VIRMA: variants seen among roughly 807,000 people sequenced by gnomAD.
VIRMA encodes the protein protein virilizer homolog.
Under a neutral mutation model 182.4 loss-of-function variants are expected in VIRMA, and 65 were observed. The ratio of observed to expected loss-of-function variants is 0.36; its 90% CI spans 0.29 to 0.44. The LOEUF (loss-of-function observed/expected upper bound fraction) is 0.44. VIRMA is among the 20% of genes least tolerant of loss of function. VIRMA has a pLI of 1.00. For missense variants in VIRMA, 1,752 were observed against 2,158.1 expected (o/e 0.81, Z 3.73); for synonymous variants, 709 against 743.1 (o/e 0.95, Z 0.75).
rs535497173 is a variant in VIRMA, at chr8:94,523,692, G to A, written c.2021+2531C>T. ...CGCCCAGGCAGGAGTGCAGTGGCACGATCTCGGCTCACTGCAACCACTGCC... is the reference window on the plus strand; with the variant it reads ...CGCCCAGGCAGGAGTGCAGTGGCACAATCTCGGCTCACTGCAACCACTGCC... On this transcript the variant is annotated intron_variant, in intron 8 of 23. Coordinates refer to ENST00000297591, the MANE Select transcript of VIRMA (RefSeq NM_015496.5). Among the ~76,000 whole-genome samples, 14 of 152,078 alleles carry A rather than the reference G, an allele frequency of 9.2e-5. No homozygotes were observed. In the South Asian group the frequency reaches 1.5e-3, roughly 16 times the overall value.
chr8:94,516,559 C>T (rs1230963751), intron 10 of VIRMA, among the ~76,000 whole-genome samples: 1 of 152,122 alleles, frequency 6.6e-6, no homozygotes, highest in Non-Finnish European at 1.5e-5. Context: ...TTCCTTGGTT[C>T]TACACTCCTC....
chr8:94,517,586 GT>G (rs1375135588), intron 10 of VIRMA, among the ~76,000 whole-genome samples: 1 of 152,090 alleles, frequency 6.6e-6, no homozygotes, highest in Admixed American at 6.6e-5. Context: ...AAAGGTACTT[GT>G]AAAAACTATT....
chr8:94,508,411 T>G (rs983397767), intron 15 of VIRMA, among the ~76,000 whole-genome samples: 1 of 152,168 alleles, frequency 6.6e-6, no homozygotes, highest in African/African-American at 2.4e-5. Context: ...TACAAGAGCA[T>G]TTTTCATTAT....
intron 1 of VIRMA, among the ~76,000 whole-genome samples, chr8:94,550,118 T>C (rs1286506166): frequency 6.7e-6 from 1 of 149,690 alleles, no homozygotes; most frequent in Non-Finnish European, 1.5e-5. Flanking sequence ...AAAAAACTGA[T>C]GGAAGGACCA....
At position 94,512,058 on chromosome 8, in the gene VIRMA, A is replaced by C. The variant is rs1175209832; in HGVS notation, c.2783T>G (p.Val928Gly). The C allele has an allele frequency of 1.3e-6, 2 of 1,522,432 alleles. No individual in the cohort carries two copies. Among genetic ancestry groups the C allele is most frequent in the Non-Finnish European group, 1.8e-6 (2 of 1,134,832 alleles). 94.3% of individuals were successfully genotyped at this position (1,522,432 alleles called of 1,614,324 possible). Residue 928 changes from valine (V) to glycine (G), a missense_variant, in exon 12 of 24, where the codon GTT becomes GGT. By Grantham distance (109) the Val-to-Gly change is moderately radical (BLOSUM62 -3). Around this residue, in one of 11 missense-constraint regions of VIRMA, gnomAD observed 777 missense variants for 920.6 expected, o/e 0.84. Transcript: ENST00000297591. ...NIDNLMTPEG[V>G]GLTTALRVLC... The stretch of plus-strand genomic sequence containing the variant: ...AACACGTAAGGCAGTGGTAAGGCCA[A>C]CTCCTTCTGGGGTCATCAAGTTATC...
At chr8:94,511,961 G>T in intron 12 of VIRMA, 35 bp downstream of exon 12, 1 of 1,216,856 alleles carries the variant, frequency 8.2e-7, no homozygotes, top group Non-Finnish European at 1.1e-6. Context: ...CTAGGCTTAA[G>T]AATCGTAGTT....
chr8:94,509,869 G>A lies in VIRMA; in HGVS notation c.3698C>T (p.Ala1233Val). The A allele has an allele frequency of 6.2e-7, 1 of 1,613,816 alleles. No individual in the cohort carries two copies. Among genetic ancestry groups the A allele is most frequent in the East Asian group, 2.2e-5 (1 of 44,862 alleles). The change falls in exon 15 of 24, where the codon GCT (alanine) becomes GTT (valine). Residue 1233 changes from alanine to valine, a missense_variant. Physicochemically the swap from Ala to Val is moderately conservative, Grantham distance 64 (BLOSUM62 0). Coordinates refer to ENST00000297591, the MANE Select transcript of VIRMA (RefSeq NM_015496.5). ...AGCTAATTTACAAGCTTTGTGTGAA[G>A]CCAGAGCATCAAGAAGAGCAAGCAA... is the stretch of plus-strand genomic sequence containing the variant. ...TRLLALLDAL[A>V]SHKACKLAIL...
At position 94,512,017 on chromosome 8, in the gene VIRMA, A is replaced by C; in HGVS notation, c.2824T>G (p.Cys942Gly). 1 of 1,531,316 alleles carries C rather than the reference A, an allele frequency of 6.5e-7. No homozygotes were observed. The highest frequency in any genetic ancestry group is 1.9e-5 in the Admixed American group (1 of 52,904). 94.9% of individuals were successfully genotyped at this position (1,531,316 alleles called of 1,614,324 possible). ...TALRVLCNVA[C>G]PPPPVEGQQK... ...TTACCTTCAACAGGAGGTGGTGGGC[A>C]TGCAACATTACAGAGAACACGTAAG... The change falls in exon 12 of 24, where the codon TGC (cysteine) becomes GGC (glycine). Residue 942 changes from cysteine to glycine, a missense_variant. Cys to Gly is a radical substitution (Grantham distance 159). This residue lies in a region of VIRMA where 777 missense variants were observed against 920.6 expected (regional missense o/e 0.84). Transcript: ENST00000297591.
At chr8:94,511,834 TAATA>T (rs1051226586) in intron 12 of VIRMA, 105 bp from the exon 13 acceptor site, 47 of 717,820 alleles carry the variant, frequency 6.5e-5, no homozygotes, top group African/African-American at 1.7e-4. Context: ...ATTATATTTA[TAATA>T]AATGATTTTT....
rs577870401 is a variant in VIRMA, at chr8:94,548,932, C to T, written c.63+4453G>A. Among the ~76,000 whole-genome samples the T allele has an allele frequency of 8.0e-3, 1,212 of 151,956 alleles. 7 individuals carry two copies. Among genetic ancestry groups the T allele is most frequent in the Non-Finnish European group, 0.012 (835 of 68,006 alleles). On this transcript the variant is annotated intron_variant, in intron 1 of 23. Coordinates refer to ENST00000297591, the MANE Select transcript of VIRMA (RefSeq NM_015496.5). ...TCAGCCTCCCAAAGTGCTGGTATTACAGGCATGAGCCACCGCGTTTGCTAT... is the reference window on the plus strand; with the variant it reads ...TCAGCCTCCCAAAGTGCTGGTATTATAGGCATGAGCCACCGCGTTTGCTAT...
At chr8:94,505,481 C>CT (rs140484297) in intron 16 of VIRMA, among the ~76,000 whole-genome samples, 35,639 of 150,310 alleles carry the variant, frequency 0.24, 5,166 homozygotes, top group East Asian at 0.5. Context: ...ATTTCTTTTT[C>CT]TTTTTTTTTG....
chr8:94,502,447 T>G (rs1814021961), intron 16 of VIRMA, among the ~76,000 whole-genome samples: 1 of 151,334 alleles, frequency 6.6e-6, no homozygotes, highest in African/African-American at 2.4e-5. Context: ...ATTTTATAAT[T>G]AAAACTTTTA....
At chr8:94,501,865 C>T (rs1022000509) in intron 16 of VIRMA, among the ~76,000 whole-genome samples, 13 of 152,104 alleles carry the variant, frequency 8.5e-5, no homozygotes, top group Non-Finnish European at 1.6e-4. Context: ...AGGCAGTGCA[C>T]GAAATTTCCA....
At chr8:94,527,860 T>C (rs1815028511) in intron 7 of VIRMA, among the ~76,000 whole-genome samples, 1 of 152,212 alleles carries the variant, frequency 6.6e-6, no homozygotes, top group Non-Finnish European at 1.5e-5. Flanking sequence ...CAATTTCACA[T>C]TCCAGAATTT....
rs757777053 is a variant in VIRMA, at chr8:94,491,894, G to A, written c.4824C>T (p.Tyr1608=). 141 of 1,566,406 alleles carry A rather than the reference G, an allele frequency of 9.0e-5. No homozygotes were observed. The Middle Eastern group carries it at 1.7e-3, about 19-fold the overall frequency. Residue 1608 remains tyrosine (Y), a synonymous_variant, in exon 22 of 24, where the codon TAC becomes TAT. Coordinates refer to ENST00000297591, the MANE Select transcript of VIRMA (RefSeq NM_015496.5). ...TFITSSGKSE[Y]IEPAKRAHVV... ...CATGAGCTCTTTTGGCAGGTTCAAT[G>A]TATTCAGATTTTCCACTATTAAAAC...
chr8:94,530,822 G>T, intron 6 of VIRMA, 141 bp downstream of exon 6: 1 of 740,094 alleles, frequency 1.4e-6, no homozygotes, highest in Non-Finnish European at 2.0e-6. Context: ...TGAGGTGAGA[G>T]GATCACTTAA....
intron 15 of VIRMA, among the ~76,000 whole-genome samples, chr8:94,507,584 C>T (rs933302426): frequency 1.3e-5 from 2 of 151,840 alleles, no homozygotes; most frequent in Admixed American, 1.3e-4. Context: ...GTGAAACACC[C>T]TCTCTACCAA....
Position 94,517,920 on chromosome 8 carries a change from C to T in VIRMA, c.2536G>A (p.Val846Ile). The T allele has an allele frequency of 6.2e-7, 1 of 1,612,172 alleles. No homozygotes were observed. Among genetic ancestry groups the T allele is most frequent in the South Asian group, 1.1e-5 (1 of 90,768 alleles). ...ALGDSKSKKSVAYNYACILIL... is the reference protein window; with the variant it reads ...ALGDSKSKKSIAYNYACILIL... ...AGTATGCATGCGTAATTATAAGCTACTGACTTCTTAGATTTGGAATCACTG... is the reference window on the plus strand; with the variant it reads ...AGTATGCATGCGTAATTATAAGCTATTGACTTCTTAGATTTGGAATCACTG... Residue 846 changes from valine to isoleucine, a missense_variant, in exon 10 of 24, where the codon GTA becomes ATA. Val to Ile is a conservative substitution (Grantham distance 29, BLOSUM62 3). Around this residue, in one of 11 missense-constraint regions of VIRMA, gnomAD observed 777 missense variants for 920.6 expected, o/e 0.84. Coordinates refer to ENST00000297591, the MANE Select transcript of VIRMA (RefSeq NM_015496.5).
rs767864888 is a variant in VIRMA at position 94,526,313 on chromosome 8, G to A, written c.1931C>T (p.Thr644Ile). The A allele has an allele frequency of 2.5e-6, 4 of 1,613,876 alleles. No individual in the cohort carries two copies. Among genetic ancestry groups the A allele is most frequent in the Non-Finnish European group, 3.4e-6 (4 of 1,179,792 alleles). Residue 644 changes from threonine to isoleucine, a missense_variant, in exon 8 of 24, where the codon ACA (threonine) becomes ATA (isoleucine). Around this residue, in one of 11 missense-constraint regions of VIRMA, gnomAD observed 401 missense variants for 455.1 expected, o/e 0.88. Coordinates refer to ENST00000297591, the MANE Select transcript of VIRMA (RefSeq NM_015496.5). Reference protein sequence around the residue: ...VFHLMETAPHTMIQQPVKSFP... With the variant: ...VFHLMETAPHIMIQQPVKSFP... ...AGACTTAACAGGTTGTTGGATCATT[G>A]TATGAGGGGCAGTTTCCATTAAATG...
Sources: gnomAD v4.1 joint callset for allele counts (sites outside exome capture counted in the v4.1 genomes callset) on GRCh38, gnomAD v4.1.1 for gene constraint, gnomAD v4.1.1 regional missense constraint, MANE v1.5 for transcripts, NCBI Gene and HGNC (gene_info 2026-07-23, HGNC 2026-07-21) for gene names.